BCKDHB: variants seen among roughly 807,000 people sequenced by gnomAD.
BCKDHB encodes branched chain keto acid dehydrogenase E1 subunit beta.
A neutral mutation model predicts 48.5 loss-of-function variants in BCKDHB; 41 were observed. That is an observed-to-expected ratio of 0.85 (90% CI 0.66 to 1.10). The LOEUF (loss-of-function observed/expected upper bound fraction) is 1.10. Among genes scored for constraint, BCKDHB ranks in the 50% least tolerant of loss-of-function variants. The probability of loss-of-function intolerance (pLI) is 0.00; values close to 1 mark genes in which losing one functional copy is unlikely to be tolerated. For synonymous variants in BCKDHB, 201 were observed against 174.8 expected (o/e 1.15, Z -1.18); for missense variants, 496 against 494.2 (o/e 1.00, Z -0.03).
At position 80,179,972 on chromosome 6, in the gene BCKDHB, C is replaced by G. The variant is rs80268391; in HGVS notation, c.742+8582C>G. ...TCACAGTTCCTGTTGATCTCTCTGA[C>G]TCCATCATTTCTGGGCCTGATCTCT... On this transcript the variant is annotated intron_variant, in intron 6 of 9. Coordinates refer to ENST00000320393, the MANE Select transcript of BCKDHB (RefSeq NM_183050.4). Among the ~76,000 whole-genome samples the G allele has an allele frequency of 8.9e-3, 1,359 of 152,248 alleles. 18 individuals are homozygous for G. The highest frequency in any genetic ancestry group is 0.048 in the East Asian group (250 of 5,174).
chr6:80,365,450 A>G, the BCKDHB span, among the ~76,000 whole-genome samples: 235 of 152,162 alleles, frequency 1.5e-3, 1 homozygote, highest in Non-Finnish European at 2.9e-3. Flanking sequence ...CAGGGTATTA[A>G]TATTAATATT....
At chr6:80,255,714 A>G (rs1339619501) in intron 8 of BCKDHB, among the ~76,000 whole-genome samples, 1 of 152,228 alleles carries the variant, frequency 6.6e-6, no homozygotes, top group Non-Finnish European at 1.5e-5. Flanking sequence ...TTAGAGAACA[A>G]TGGAAATTTA....
chr6:80,140,173 G>A (rs1031051267), intron 3 of BCKDHB, among the ~76,000 whole-genome samples: 1 of 152,184 alleles, frequency 6.6e-6, no homozygotes, highest in African/African-American at 2.4e-5. Context: ...AGACTTTGCT[G>A]AAGTTGCTTA....
chr6:80,256,222 G>A (rs1466406099), intron 8 of BCKDHB, among the ~76,000 whole-genome samples: 1 of 152,058 alleles, frequency 6.6e-6, no homozygotes, highest in Non-Finnish European at 1.5e-5. Context: ...ATCACTTAAC[G>A]ACAGGAGTAC....
rs369201510 is a variant in BCKDHB, at chr6:80,201,011, C to G, written c.820C>G (p.Leu274Val). The G allele has an allele frequency of 5.6e-6, 9 of 1,611,882 alleles. No homozygotes were observed. The highest frequency in any genetic ancestry group is 4.5e-5 in the East Asian group (2 of 44,836). Residue 274 changes from leucine (L) to valine (V), a missense_variant, in exon 7 of 10, where the codon CTA (leucine) becomes GTA (valine). By Grantham distance (32) the Leu-to-Val change is conservative. Coordinates refer to ENST00000320393, the MANE Select transcript of BCKDHB (RefSeq NM_183050.4). ...CATACAGGAAGGGAGTGATGTTACTCTAGTTGCCTGGGGCACTCAGGTGAG... is the reference window on the plus strand; with the variant it reads ...CATACAGGAAGGGAGTGATGTTACTGTAGTTGCCTGGGGCACTCAGGTGAG... ...EVIQEGSDVT[L>V]VAWGTQVHVI... is the part of the protein sequence containing the mutation.
At chr6:80,165,393 A>G (rs1375932734) in intron 3 of BCKDHB, among the ~76,000 whole-genome samples, 1 of 152,210 alleles carries the variant, frequency 6.6e-6, no homozygotes, top group Non-Finnish European at 1.5e-5. Flanking sequence ...GCAGCTGCTT[A>G]TAGCCTGGCA....
intron 9 of BCKDHB, among the ~76,000 whole-genome samples, chr6:80,311,757 G>A (rs910630139): frequency 6.6e-6 from 1 of 152,010 alleles, no homozygotes; most frequent in Non-Finnish European, 1.5e-5. Context: ...TCTATTTCTG[G>A]GTTCTCTATT....
intron 8 of BCKDHB, among the ~76,000 whole-genome samples, chr6:80,265,345 A>G (rs111844113): frequency 1.3e-5 from 2 of 152,150 alleles, no homozygotes; most frequent in Non-Finnish European, 2.9e-5. Flanking sequence ...AATGTGATAT[A>G]TACATACAGT....
rs1455631133 is a variant in BCKDHB, at chr6:80,345,816, A to C, written c.*2012A>C. The C allele has an allele frequency of 6.6e-6, 1 of 151,808 alleles. No homozygotes were observed. Among genetic ancestry groups the C allele is most frequent in the Admixed American group, 6.6e-5 (1 of 15,242 alleles). 9.4% of individuals were successfully genotyped at this position (151,808 alleles called of 1,614,324 possible). A position where few individuals can be genotyped will look rare whatever the true frequency, so the allele number is the denominator to read the frequency against. On this transcript the variant is annotated 3_prime_UTR_variant, in exon 10 of 10. Transcript: ENST00000320393. The stretch of plus-strand genomic sequence containing the variant: ...AAGTAATATTCAGATGTGGTTTTAA[A>C]TTTAGATTATGTATTCCTTTTGAAA...
the BCKDHB span, among the ~76,000 whole-genome samples, chr6:80,433,988 A>G: frequency 0.035 from 5,357 of 152,190 alleles, 240 homozygotes; most frequent in African/African-American, 0.11. Flanking sequence ...ATGCTTGACC[A>G]CTTAATATTG....
intron 4 of BCKDHB, among the ~76,000 whole-genome samples, chr6:80,168,258 G>A (rs1012146205): frequency 2.6e-5 from 4 of 151,474 alleles, no homozygotes; most frequent in African/African-American, 9.7e-5. Context: ...GCACTCCCTG[G>A]GTGACAGAAT....
chr6:80,162,064 A>C (rs1772342942), intron 3 of BCKDHB, among the ~76,000 whole-genome samples: 4 of 152,166 alleles, frequency 2.6e-5, no homozygotes, highest in Admixed American at 2.0e-4. Context: ...CACTGGAGCA[A>C]AACATGCCAT....
the BCKDHB span, among the ~76,000 whole-genome samples, chr6:80,390,031 T>C: frequency 6.6e-6 from 1 of 152,066 alleles, no homozygotes; most frequent in Non-Finnish European, 1.5e-5. Context: ...AAAATGGAAG[T>C]TAAGATTGCA....
chr6:80,123,134 G>A (rs376717926), intron 1 of BCKDHB, among the ~76,000 whole-genome samples: 9 of 152,186 alleles, frequency 5.9e-5, no homozygotes, highest in African/African-American at 1.9e-4. Flanking sequence ...CAGGCAGTCA[G>A]ACCTTATGGT....
intron 3 of BCKDHB, among the ~76,000 whole-genome samples, chr6:80,136,918 C>T (rs1278258155): frequency 6.6e-6 from 1 of 152,098 alleles, no homozygotes; most frequent in Non-Finnish European, 1.5e-5. Flanking sequence ...TGGAATACCA[C>T]TTCGTACTCA....
chr6:80,125,045 A>G (rs946997811), intron 1 of BCKDHB, among the ~76,000 whole-genome samples: 5 of 152,216 alleles, frequency 3.3e-5, no homozygotes, highest in South Asian at 4.1e-4. Flanking sequence ...GCATCTTCCA[A>G]TAGAAGCTGT....
intron 1 of BCKDHB, among the ~76,000 whole-genome samples, chr6:80,121,821 C>T (rs1372174128): frequency 2.0e-5 from 3 of 152,172 alleles, no homozygotes; most frequent in Admixed American, 1.3e-4. Context: ...TTTACTTCCT[C>T]TTTTCCTAAT....
chr6:80,157,182 T>C (rs993406326), intron 3 of BCKDHB, among the ~76,000 whole-genome samples: 2 of 152,136 alleles, frequency 1.3e-5, no homozygotes, highest in African/African-American at 4.8e-5. Flanking sequence ...CTTAAAATTG[T>C]GACTTTTCTC....
chr6:80,261,494 A>T (rs529825243), intron 8 of BCKDHB, among the ~76,000 whole-genome samples: 1 of 152,092 alleles, frequency 6.6e-6, no homozygotes, highest in East Asian at 2.0e-4. Context: ...AGGCCAATTT[A>T]TCCCTACTCA....
Sources: gnomAD v4.1 joint callset for allele counts (sites outside exome capture counted in the v4.1 genomes callset) on GRCh38, gnomAD v4.1.1 for gene constraint, MANE v1.5 for transcripts, NCBI Gene and HGNC (gene_info 2026-07-23, HGNC 2026-07-21) for gene names.